DYM: variants seen among roughly 807,000 people sequenced by gnomAD.
The protein encoded by DYM is dymeclin, also known as dyggve-Melchior-Clausen syndrome protein.
In DYM, 78 loss-of-function variants were observed where a neutral mutation model predicts 93.1. That is an observed-to-expected ratio of 0.84 (90% CI 0.70 to 1.01). The LOEUF (loss-of-function observed/expected upper bound fraction) is 1.01. Among genes scored for constraint, DYM ranks in the 50% least tolerant of loss-of-function variants. The probability of loss-of-function intolerance (pLI) is 0.00; values close to 1 mark genes in which losing one functional copy is unlikely to be tolerated. For synonymous variants in DYM, 321 were observed against 319.7 expected (o/e 1.00, Z -0.04); for missense variants, 789 against 845.0 (o/e 0.93, Z 0.82).
intron 10 of DYM, among the ~76,000 whole-genome samples, chr18:49,280,325 A>G (rs1037884780): frequency 1.3e-4 from 20 of 152,194 alleles, no homozygotes; most frequent in Admixed American, 1.2e-3. Context: ...TAAAATGACT[A>G]TGAGACTCCA....
intron 3 of DYM, among the ~76,000 whole-genome samples, chr18:49,382,003 A>C (rs756743096): frequency 7.2e-5 from 11 of 152,324 alleles, no homozygotes; most frequent in Middle Eastern, 3.4e-3. Context: ...CAAAATGCTG[A>C]AACAAACTAA....
At chr18:49,249,988 A>G (rs1048687449) in intron 13 of DYM, among the ~76,000 whole-genome samples, 25 of 152,258 alleles carry the variant, frequency 1.6e-4, no homozygotes, top group Non-Finnish European at 3.4e-4. Flanking sequence ...AAACCCAGAA[A>G]GCTTTCAATA....
intron 2 of DYM, among the ~76,000 whole-genome samples, chr18:49,398,337 G>C (rs1357128320): frequency 6.6e-6 from 1 of 152,120 alleles, no homozygotes; most frequent in South Asian, 2.1e-4. Flanking sequence ...TTTCGGAGGT[G>C]AGCAGAGGCA....
At chr18:49,308,874 G>A (rs2061425112) in intron 8 of DYM, among the ~76,000 whole-genome samples, 2 of 152,108 alleles carry the variant, frequency 1.3e-5, no homozygotes, top group Admixed American at 1.3e-4. Flanking sequence ...TCATTAAAGT[G>A]TTATCTGGAA....
rs1433186420 is a variant in DYM at position 49,400,606 on chromosome 18, T to C, written c.141-8961A>G. ...TAACTAAAGGAGTCATAGAGCTCTG[T>C]TTGTTGCAGGATGCCTGCAATTTCT... On this transcript the variant is annotated intron_variant, in intron 2 of 17. Coordinates refer to ENST00000675505, the MANE Select transcript of DYM (RefSeq NM_001353214.3). Among the ~76,000 whole-genome samples the C allele has an allele frequency of 2.0e-5, 3 of 152,176 alleles. No individual in the cohort carries two copies. In the East Asian group the frequency reaches 5.8e-4, roughly 29 times the overall value.
intron 13 of DYM, among the ~76,000 whole-genome samples, chr18:49,222,673 C>T (rs1210022221): frequency 6.6e-6 from 1 of 152,068 alleles, no homozygotes; most frequent in Non-Finnish European, 1.5e-5. Flanking sequence ...GAAAATGTAT[C>T]AATTACTACT....
rs550115506 is a variant in DYM at position 49,384,061 on chromosome 18, C to T, written c.194-4303G>A. Among the ~76,000 whole-genome samples the T allele has an allele frequency of 7.6e-4, 115 of 152,236 alleles. 2 individuals are homozygous for T. The highest frequency in any genetic ancestry group is 2.7e-3 in the African/African-American group (114 of 41,554). On this transcript the variant is annotated intron_variant, in intron 3 of 17. Coordinates refer to ENST00000675505, the MANE Select transcript of DYM (RefSeq NM_001353214.3). ...AGAGCAAGCCAGGCACAGTAGCACA[C>T]GCCTGTAATCCCAGCACTTTCAGAG...
At chr18:49,282,303 A>G (rs2095006888) in intron 9 of DYM, 128 bp from the exon 10 acceptor site, 4 of 1,009,232 alleles carry the variant, frequency 4.0e-6, no homozygotes, top group Non-Finnish European at 5.9e-6. Context: ...TTCAGATTCA[A>G]AATTTTAATT....
chr18:49,374,957 CA>C lies in DYM; in HGVS notation c.421+3609del, dbSNP rs11445191. Among the ~76,000 whole-genome samples, 292 of 146,182 alleles carry C rather than the reference CA, an allele frequency of 2.0e-3. 2 individuals carry two copies. The highest frequency in any genetic ancestry group is 7.1e-3 in the Middle Eastern group (2 of 282). On this transcript the variant is annotated intron_variant, in intron 5 of 17. Coordinates refer to ENST00000675505, the MANE Select transcript of DYM (RefSeq NM_001353214.3). ...CAGGGCAACAAAAGTGAAACTGTCT[CA>C]AAAAAAAAAAAATTGGCTGCCTATC...
At chr18:49,416,946 C>T (rs2073060095) in intron 2 of DYM, among the ~76,000 whole-genome samples, 1 of 152,162 alleles carries the variant, frequency 6.6e-6, no homozygotes, top group South Asian at 2.1e-4. Context: ...CCAGACCACT[C>T]TAGACCCAAG....
chr18:49,276,967 TAAG>T (rs2094859240), intron 10 of DYM, among the ~76,000 whole-genome samples: 1 of 151,840 alleles, frequency 6.6e-6, no homozygotes. Context: ...CCAAAGATAA[TAAG>T]GAGAGAAAAT....
chr18:49,128,468 T>C (rs935751609), intron 15 of DYM, among the ~76,000 whole-genome samples: 7 of 152,206 alleles, frequency 4.6e-5, no homozygotes, highest in African/African-American at 1.7e-4. Flanking sequence ...AAGATGTGTC[T>C]TTTTTAAAAA....
chr18:49,145,620 G>A (rs2085043075), intron 15 of DYM, among the ~76,000 whole-genome samples: 1 of 152,198 alleles, frequency 6.6e-6, no homozygotes, highest in East Asian at 1.9e-4. Context: ...AGATACAAAT[G>A]AGTATCAACC....
intron 17 of DYM, among the ~76,000 whole-genome samples, chr18:49,094,959 T>C (rs556683489): frequency 2.6e-5 from 4 of 152,344 alleles, no homozygotes; most frequent in Non-Finnish European, 5.9e-5. Context: ...AATTTATATA[T>C]TTTAAGAAAC....
At chr18:49,275,233 T>C (rs895354928) in intron 10 of DYM, among the ~76,000 whole-genome samples, 1 of 152,180 alleles carries the variant, frequency 6.6e-6, no homozygotes, top group Non-Finnish European at 1.5e-5. Flanking sequence ...AAACCTATTC[T>C]TTCCACATTG....
chr18:49,043,807 T>C lies in DYM; in HGVS notation c.*248A>G, dbSNP rs554124662. On this transcript the variant is annotated 3_prime_UTR_variant, in exon 18 of 18. Coordinates refer to ENST00000675505, the MANE Select transcript of DYM (RefSeq NM_001353214.3). The stretch of plus-strand genomic sequence containing the variant: ...CTTCGAAATAAAACTGCATGTTGAA[T>C]AGCAGGTTTTTACATTTATTATTGT... 1.2e-4 allele frequency: 60 copies of C among 520,726 alleles called. No homozygotes were observed. The South Asian group carries it at 1.2e-3, about 11-fold the overall frequency. 32.3% of individuals were successfully genotyped at this position (520,726 alleles called of 1,614,324 possible).
chr18:49,232,368 G>A (rs8098062), intron 13 of DYM, among the ~76,000 whole-genome samples: 3 of 150,712 alleles, frequency 2.0e-5, no homozygotes, highest in Non-Finnish European at 3.0e-5. Flanking sequence ...GTGCAGTGGC[G>A]CGATCTCGGC....
chr18:49,153,516 T>C (rs1204496446), intron 15 of DYM, among the ~76,000 whole-genome samples: 1 of 152,164 alleles, frequency 6.6e-6, no homozygotes, highest in Non-Finnish European at 1.5e-5. Flanking sequence ...CTGGAGCATC[T>C]TGATGGTCTC....
chr18:49,119,954 C>G (rs2082228906), intron 15 of DYM, among the ~76,000 whole-genome samples: 1 of 151,428 alleles, frequency 6.6e-6, no homozygotes. Flanking sequence ...TGGCACACAT[C>G]TGTAGCCTCA....
Sources: allele counts gnomAD v4.1 joint callset (sites outside exome capture counted in the v4.1 genomes callset), GRCh38; gene constraint gnomAD v4.1.1; transcripts MANE v1.5; gene names NCBI Gene and HGNC (gene_info 2026-07-23, HGNC 2026-07-21).